CSMD1: variants seen among roughly 807,000 people sequenced by gnomAD.
CSMD1 encodes CUB and Sushi multiple domains 1, also known as CUB and sushi domain-containing protein 1.
In CSMD1, 213 loss-of-function variants were observed where a neutral mutation model predicts 417.5. The observed-to-expected ratio is 0.51, with a 90% CI of 0.46 to 0.57. The LOEUF (loss-of-function observed/expected upper bound fraction) is 0.57, where lower values mean the gene tolerates loss of function less well. Among genes scored for constraint, CSMD1 ranks in the 20% least tolerant of loss-of-function variants. CSMD1 has a pLI of 0.00. For synonymous variants in CSMD1, 2,862 were observed against 1,736.8 expected (o/e 1.65, Z -16.11); for missense variants, 6,923 against 4,529.7 (o/e 1.53, Z -15.17).
At chr8:4,952,105 C>A (rs1057022893) in intron 1 of CSMD1, among the ~76,000 whole-genome samples, 1 of 151,612 alleles carries the variant, frequency 6.6e-6, no homozygotes, top group Admixed American at 6.6e-5. Context: ...CCAAATAGAT[C>A]TGAATAGTCT....
intron 62 of CSMD1, 65 bp from the exon 63 acceptor site, chr8:2,957,872 A>G (rs1404571834): frequency 9.3e-7 from 1 of 1,078,880 alleles, no homozygotes; most frequent in Non-Finnish European, 1.4e-6. Context: ...AACTAGTGAT[A>G]CCTGAAAGTA....
Position 3,181,228 on chromosome 8 carries a change from T to C in CSMD1, c.5621-14A>G, listed in dbSNP as rs181717385. 39 of 1,566,726 alleles carry C rather than the reference T, an allele frequency of 2.5e-5. No individual in the cohort carries two copies. In the Admixed American group the frequency reaches 4.2e-4, roughly 17 times the overall value. Reference sequence around the variant, plus strand: ...GTACTGTGGTGCCTGTAAGAAACAATGCAGATAGAATTGTAACACTACAAA... The same window carrying C: ...GTACTGTGGTGCCTGTAAGAAACAACGCAGATAGAATTGTAACACTACAAA... On this transcript the variant is annotated splice_polypyrimidine_tract_variant and intron_variant, in intron 36 of 69. Coordinates refer to ENST00000635120, the MANE Select transcript of CSMD1 (RefSeq NM_033225.6).
At chr8:4,986,585 C>T (rs999744790) in intron 1 of CSMD1, among the ~76,000 whole-genome samples, 2 of 151,814 alleles carry the variant, frequency 1.3e-5, no homozygotes, top group African/African-American at 2.4e-5. Context: ...TCAGAGTATA[C>T]TAAACAGTAA....
At chr8:3,134,685 T>C (rs538435510) in intron 41 of CSMD1, among the ~76,000 whole-genome samples, 184 of 152,314 alleles carry the variant, frequency 1.2e-3, no homozygotes, top group African/African-American at 4.2e-3. Context: ...ATCCAAAGAC[T>C]TCATTTCCCT....
chr8:4,904,330 T>A (rs963003564), intron 1 of CSMD1, among the ~76,000 whole-genome samples: 3 of 152,224 alleles, frequency 2.0e-5, no homozygotes, highest in African/African-American at 7.2e-5. Context: ...ATTTATTACA[T>A]CTATGAGTAT....
At chr8:3,421,994 G>T (rs867840795) in intron 12 of CSMD1, among the ~76,000 whole-genome samples, 1 of 149,536 alleles carries the variant, frequency 6.7e-6, no homozygotes, top group African/African-American at 2.5e-5. Context: ...GGCTTAGAGC[G>T]TGAGCCACCG....
chr8:4,876,667 A>G (rs1301367015), intron 1 of CSMD1, among the ~76,000 whole-genome samples: 2 of 152,090 alleles, frequency 1.3e-5, no homozygotes, highest in Non-Finnish European at 2.9e-5. Context: ...TTGTGTTTTA[A>G]GTGCCGTTAG....
At chr8:3,153,403 G>C (rs1367450004) in intron 39 of CSMD1, among the ~76,000 whole-genome samples, 1 of 152,152 alleles carries the variant, frequency 6.6e-6, no homozygotes, top group African/African-American at 2.4e-5. Flanking sequence ...TAATAAACTT[G>C]CTTTCACTTT....
At position 3,668,058 on chromosome 8, in the gene CSMD1, G is replaced by T. The variant is rs527592147; in HGVS notation, c.1009+40356C>A. Among the ~76,000 whole-genome samples, 6 of 152,260 alleles carry T rather than the reference G, an allele frequency of 3.9e-5. No individual in the cohort carries two copies. The East Asian group carries it at 1.2e-3, about 29-fold the overall frequency. ...AGTCCCCATCCCAAGGATGAGCCTT[G>T]CTCAGTCTCAATCAGGTGCAGTCAT... On this transcript the variant is annotated intron_variant, in intron 7 of 69. Coordinates refer to ENST00000635120, the MANE Select transcript of CSMD1 (RefSeq NM_033225.6).
At chr8:4,517,389 G>A (rs1358028567) in intron 2 of CSMD1, among the ~76,000 whole-genome samples, 3 of 152,132 alleles carry the variant, frequency 2.0e-5, no homozygotes, top group Non-Finnish European at 4.4e-5. Context: ...TAATCTCCCA[G>A]ACCACTGGCT....
chr8:4,832,283 G>C (rs568842470), intron 1 of CSMD1, among the ~76,000 whole-genome samples: 2 of 152,130 alleles, frequency 1.3e-5, no homozygotes, highest in Non-Finnish European at 2.9e-5. Context: ...TTCTTCCTGA[G>C]ATGTTCAGTC....
intron 5 of CSMD1, among the ~76,000 whole-genome samples, chr8:3,794,192 A>ATAAACCC (rs1799911411): frequency 6.6e-6 from 1 of 152,162 alleles, no homozygotes; most frequent in African/African-American, 2.4e-5. Flanking sequence ...CTTGAGAAGC[A>ATAAACCC]CTGGTTTAAG....
intron 2 of CSMD1, among the ~76,000 whole-genome samples, chr8:4,560,081 C>T (rs1563286807): frequency 6.6e-6 from 1 of 152,250 alleles, no homozygotes; most frequent in Non-Finnish European, 1.5e-5. Context: ...TCCACAGAGG[C>T]CTCGTGCTTG....
At chr8:4,615,648 T>G (rs779727289) in intron 2 of CSMD1, among the ~76,000 whole-genome samples, 14 of 152,304 alleles carry the variant, frequency 9.2e-5, no homozygotes, top group Non-Finnish European at 1.6e-4. Context: ...ATATATTTTT[T>G]TGTGAGTGTA....
intron 1 of CSMD1, among the ~76,000 whole-genome samples, chr8:4,778,060 C>G (rs1796960081): frequency 6.6e-6 from 1 of 152,156 alleles, no homozygotes; most frequent in Admixed American, 6.5e-5. Context: ...GACACATAAA[C>G]ACACACAGGC....
At chr8:4,510,390 TAAAAAAAAAAAAAAAA>T (rs34791623) in intron 2 of CSMD1, among the ~76,000 whole-genome samples, 19 of 54,642 alleles carry the variant, frequency 3.5e-4, no homozygotes, top group African/African-American at 1.2e-3. Flanking sequence ...GCATAATGCC[TAAAAAAAAAAAAAAAA>T]AAAAAAAAAA....
chr8:4,388,733 T>G (rs1563121878), intron 3 of CSMD1, among the ~76,000 whole-genome samples: 2 of 152,158 alleles, frequency 1.3e-5, no homozygotes, highest in East Asian at 1.9e-4. Context: ...TGTTTATACT[T>G]GGCAGAAAAA....
At chr8:3,469,339 AAATATATT>A (rs1816955680) in intron 11 of CSMD1, 2 of 152,340 alleles carry the variant, frequency 1.3e-5, no homozygotes, top group East Asian at 1.9e-4. Flanking sequence ...TCTCCTTTTA[AAATATATT>A]ATAGGTAATT....
In CSMD1 at chr8:4,686,522, A is replaced by C. The variant is rs190963449; in HGVS notation, c.86-48964T>G. Among the ~76,000 whole-genome samples, 4 of 152,352 alleles carry C rather than the reference A, an allele frequency of 2.6e-5. No individual in the cohort carries two copies. In the East Asian group the frequency reaches 7.7e-4, roughly 29 times the overall value. ...TCTCTGAAAACACGGGAGCACAGCG[A>C]AGAACCTGAGCAAACAGCCCCTGCT... On this transcript the variant is annotated intron_variant, in intron 1 of 69. Transcript: ENST00000635120.
Sources: allele counts gnomAD v4.1 joint callset (sites outside exome capture counted in the v4.1 genomes callset), GRCh38; gene constraint gnomAD v4.1.1; transcripts MANE v1.5; gene names NCBI Gene and HGNC (gene_info 2026-07-23, HGNC 2026-07-21).